KCND3: variants seen among roughly 807,000 people sequenced by gnomAD.
KCND3 encodes the protein A-type voltage-gated potassium channel KCND3.
KCND3 carries 9 observed loss-of-function variants against 51.1 expected under a neutral mutation model. The ratio of observed to expected loss-of-function variants is 0.18; its 90% CI spans 0.11 to 0.31. The LOEUF is 0.31. Among genes scored for constraint, KCND3 ranks in the 10% least tolerant of loss-of-function variants. The probability of loss-of-function intolerance (pLI) is 1.00; values close to 1 mark genes in which losing one functional copy is unlikely to be tolerated. For missense variants in KCND3, 526 were observed against 903.8 expected (o/e 0.58, Z 5.36); for synonymous variants, 349 against 368.0 (o/e 0.95, Z 0.59).
rs1043648746 is a variant in KCND3, at chr1:111,904,709, C to T, written c.1106+76912G>A. On this transcript the variant is annotated intron_variant, in intron 2 of 7. Transcript: ENST00000302127. Reference sequence around the variant, plus strand: ...TACGCTTGGTGGCGACGGCAAGCTGCGTGACAGCCGCCCCTGCTTAGAGAC... The same window carrying T: ...TACGCTTGGTGGCGACGGCAAGCTGTGTGACAGCCGCCCCTGCTTAGAGAC... Among the ~76,000 whole-genome samples the T allele has an allele frequency of 7.2e-5, 11 of 152,200 alleles. No homozygotes were observed. The East Asian group carries it at 1.2e-3, about 16-fold the overall frequency.
At chr1:111,776,583 G>A (rs1263646082) in intron 7 of KCND3, among the ~76,000 whole-genome samples, 1 of 152,138 alleles carries the variant, frequency 6.6e-6, no homozygotes, top group Non-Finnish European at 1.5e-5. Context: ...CGCATTTGGA[G>A]GTAGTGGGAA....
chr1:111,902,783 C>A (rs1056446458), intron 2 of KCND3, among the ~76,000 whole-genome samples: 1 of 152,170 alleles, frequency 6.6e-6, no homozygotes, highest in Non-Finnish European at 1.5e-5. Context: ...AAATGTGATG[C>A]ACTTGGTGTC....
chr1:111,785,309 A>G (rs1664558366), intron 3 of KCND3, among the ~76,000 whole-genome samples: 1 of 152,208 alleles, frequency 6.6e-6, no homozygotes, highest in African/African-American at 2.4e-5. Flanking sequence ...CAGTTTCTGT[A>G]TAACAAATTT....
At chr1:111,802,644 A>G (rs894866591) in intron 2 of KCND3, among the ~76,000 whole-genome samples, 2 of 152,224 alleles carry the variant, frequency 1.3e-5, no homozygotes, top group African/African-American at 4.8e-5. Context: ...CCAGATGGTA[A>G]GCTGCATGAG....
intron 2 of KCND3, among the ~76,000 whole-genome samples, chr1:111,853,437 T>C (rs1667913612): frequency 6.6e-6 from 1 of 152,126 alleles, no homozygotes; most frequent in Non-Finnish European, 1.5e-5. Flanking sequence ...ACCAGAACAA[T>C]CTGGGGGGAA....
intron 2 of KCND3, among the ~76,000 whole-genome samples, chr1:111,820,619 T>G (rs1184776886): frequency 6.6e-6 from 1 of 152,180 alleles, no homozygotes; most frequent in Non-Finnish European, 1.5e-5. Flanking sequence ...TTGTTTTCAT[T>G]CTTACTTTTG....
In KCND3 at chr1:111,980,616, T is replaced by G. The variant is rs376599964; in HGVS notation, c.1106+1005A>C. ...AGCCTAAGCAAATATAGACCCAGTA[T>G]ATGAATTGTGGAGGGATTTTGCATT... On this transcript the variant is annotated intron_variant, in intron 2 of 7. Coordinates refer to ENST00000302127, the MANE Select transcript of KCND3 (RefSeq NM_001378969.1). Among the ~76,000 whole-genome samples the G allele has an allele frequency of 4.7e-3, 710 of 152,260 alleles. 4 individuals are homozygous for G. The highest frequency in any genetic ancestry group is 0.016 in the South Asian group (78 of 4,824).
intron 2 of KCND3, among the ~76,000 whole-genome samples, chr1:111,952,517 G>C (rs968570630): frequency 2.6e-5 from 4 of 152,164 alleles, no homozygotes; most frequent in African/African-American, 9.7e-5. Flanking sequence ...GCAGCTTCTG[G>C]CAGCTCAATA....
intron 2 of KCND3, among the ~76,000 whole-genome samples, chr1:111,912,691 C>G (rs1007814228): frequency 1.3e-5 from 2 of 152,038 alleles, no homozygotes; most frequent in African/African-American, 4.8e-5. Flanking sequence ...TGATGCAGGC[C>G]TAGGCTAATG....
At position 111,884,642 on chromosome 1, in the gene KCND3, A is replaced by T. The variant is rs76620793; in HGVS notation, c.1106+96979T>A. ...GAGGAGCAGTCCCCCAAATCTGGGG[A>T]CTCTCCCCATGAGACTGGAGAGTTT... On this transcript the variant is annotated intron_variant, in intron 2 of 7. Coordinates refer to ENST00000302127, the MANE Select transcript of KCND3 (RefSeq NM_001378969.1). 5.3e-3 allele frequency among the ~76,000 whole-genome samples: 807 copies of T among 152,128 alleles called. 6 individuals are homozygous for T. The highest frequency in any genetic ancestry group is 0.019 in the African/African-American group (778 of 41,498).
Position 111,981,890 on chromosome 1 carries a change from G to C in KCND3, c.837C>G (p.Asn279Lys). The C allele has an allele frequency of 6.2e-7, 1 of 1,614,108 alleles. No individual in the cohort carries two copies. Among genetic ancestry groups the C allele is most frequent in the East Asian group, 2.2e-5 (1 of 44,866 alleles). Residue 279 changes from asparagine (N) to lysine (K), a missense_variant, in exon 2 of 8, where the codon AAC becomes AAG. Asn to Lys is a moderately conservative substitution (Grantham distance 94, BLOSUM62 0). Around this residue, in one of 5 missense-constraint regions of KCND3, gnomAD observed 48 missense variants for 228.5 expected, o/e 0.21. Transcript: ENST00000302127. The surrounding 1 kb of genome is among the most constrained non-coding windows in gnomAD (Gnocchi z 6.2). The stretch of plus-strand genomic sequence containing the variant: ...TGACGAAGGCGCCGGACACGTCCTC[G>C]TTGTTGGTCATGACCAGACCGATGT... ...PYYIGLVMTN[N>K]EDVSGAFVTL...
chr1:111,877,180 T>A (rs146855696), intron 2 of KCND3, among the ~76,000 whole-genome samples: 2 of 152,266 alleles, frequency 1.3e-5, no homozygotes, highest in East Asian at 3.9e-4. Flanking sequence ...AAAATCTCAT[T>A]TATTTAAGTG....
chr1:111,900,303 C>T (rs1487226628), intron 2 of KCND3, among the ~76,000 whole-genome samples: 2 of 152,142 alleles, frequency 1.3e-5, no homozygotes, highest in Non-Finnish European at 2.9e-5. Flanking sequence ...GAAGCATTTC[C>T]CCGGACCTGC....
intron 2 of KCND3, among the ~76,000 whole-genome samples, chr1:111,792,791 A>T (rs1213151188): frequency 6.6e-6 from 1 of 151,998 alleles, no homozygotes; most frequent in Non-Finnish European, 1.5e-5. Flanking sequence ...TTATTAAATA[A>T]ACCCAGGGTC....
At chr1:111,952,590 A>G (rs1673116650) in intron 2 of KCND3, among the ~76,000 whole-genome samples, 1 of 152,106 alleles carries the variant, frequency 6.6e-6, no homozygotes, top group Admixed American at 6.5e-5. Context: ...CTCACAACCG[A>G]GGTAGCTGGA....
chr1:111,884,656 A>T (rs1669488139), intron 2 of KCND3, among the ~76,000 whole-genome samples: 1 of 152,194 alleles, frequency 6.6e-6, no homozygotes, highest in Admixed American at 6.5e-5. Context: ...TCCCCATGAG[A>T]CTGGAGAGTT....
intron 2 of KCND3, among the ~76,000 whole-genome samples, chr1:111,885,585 T>G (rs56155301): frequency 0.11 from 17,015 of 152,118 alleles, 1,046 homozygotes; most frequent in East Asian, 0.18. Flanking sequence ...AGAACAACAT[T>G]GTCATTACTT....
chr1:111,950,968 C>T lies in KCND3; in HGVS notation c.1106+30653G>A, dbSNP rs576768919. On this transcript the variant is annotated intron_variant, in intron 2 of 7. Coordinates refer to ENST00000302127, the MANE Select transcript of KCND3 (RefSeq NM_001378969.1). ...GTGGGATCACCTGAGGTCAGGAGTT[C>T]GAGACTAGCCTGGCTAACATGGTGA... is the stretch of plus-strand genomic sequence containing the variant. 2.4e-4 allele frequency among the ~76,000 whole-genome samples: 37 copies of T among 151,918 alleles called. No individual in the cohort carries two copies. In the Middle Eastern group the frequency reaches 0.01, roughly 42 times the overall value.
intron 2 of KCND3, among the ~76,000 whole-genome samples, chr1:111,824,700 T>A (rs887552628): frequency 2.6e-5 from 4 of 152,184 alleles, no homozygotes; most frequent in African/African-American, 9.7e-5. Flanking sequence ...CCAGAGAGTA[T>A]CAGGGATCTG....
Sources: allele counts gnomAD v4.1 joint callset (sites outside exome capture counted in the v4.1 genomes callset), GRCh38; gene constraint gnomAD v4.1.1; regional missense constraint gnomAD v4.1.1; non-coding constraint Gnocchi (gnomAD v3.1); transcripts MANE v1.5; gene names NCBI Gene and HGNC (gene_info 2026-07-23, HGNC 2026-07-21).